KIF16B: variants seen among roughly 807,000 people sequenced by gnomAD.
The protein encoded by KIF16B is kinesin family member 16B, also known as kinesin-like protein KIF16B.
Under a neutral mutation model 156.3 loss-of-function variants are expected in KIF16B, and 98 were observed. The observed-to-expected ratio is 0.63, with a 90% CI of 0.53 to 0.74. The LOEUF is 0.74. Ranked by LOEUF, KIF16B falls within the 30% of genes least tolerant of loss-of-function variation. The probability of loss-of-function intolerance (pLI) is 0.00; values close to 1 mark genes in which losing one functional copy is unlikely to be tolerated. For missense variants in KIF16B, 1,421 were observed against 1,606.5 expected, an observed-to-expected ratio of 0.88 and a Z score of 1.97; for synonymous variants, 564 against 583.7, an observed-to-expected ratio of 0.97 and a Z score of 0.49.
intron 6 of KIF16B, among the ~76,000 whole-genome samples, chr20:16,511,008 G>T (rs911589929): frequency 2.0e-5 from 3 of 152,320 alleles, no homozygotes; most frequent in African/African-American, 7.2e-5. Flanking sequence ...GAAACCCACA[G>T]AGGAAATCCT....
chr20:16,488,269 G>A lies in KIF16B; in HGVS notation c.1302+6022C>T, dbSNP rs6044017. 1.6e-3 allele frequency among the ~76,000 whole-genome samples: 240 copies of A among 152,370 alleles called. 1 individual carries two copies. Among genetic ancestry groups the A allele is most frequent in the African/African-American group, 5.3e-3 (219 of 41,596 alleles). On this transcript the variant is annotated intron_variant, in intron 12 of 25. Coordinates refer to ENST00000354981, the MANE Select transcript of KIF16B (RefSeq NM_024704.5). ...GCTCTGCTCTGGACAGACACTCACA[G>A]AGGCAGCTCTCCCTTCTGCCGCACC...
chr20:16,335,317 C>T (rs1480009743), intron 24 of KIF16B, among the ~76,000 whole-genome samples: 4 of 152,142 alleles, frequency 2.6e-5, no homozygotes, highest in Non-Finnish European at 5.9e-5. Context: ...GAATACTTTG[C>T]TTAAAATTAC....
intron 25 of KIF16B, among the ~76,000 whole-genome samples, chr20:16,293,649 T>C (rs1320957142): frequency 6.6e-6 from 1 of 151,900 alleles, no homozygotes; most frequent in African/African-American, 2.4e-5. Flanking sequence ...AGGACAATTG[T>C]GGGGTGGAAG....
intron 12 of KIF16B, among the ~76,000 whole-genome samples, chr20:16,491,925 G>C (rs2068305813): frequency 6.6e-6 from 1 of 152,174 alleles, no homozygotes; most frequent in South Asian, 2.1e-4. Flanking sequence ...AAGAGCTTAG[G>C]ATCTGGTGAT....
At chr20:16,393,384 T>C (rs544397754) in intron 17 of KIF16B, among the ~76,000 whole-genome samples, 2 of 152,362 alleles carry the variant, frequency 1.3e-5, no homozygotes, top group East Asian at 3.9e-4. Context: ...CTTCTATCAA[T>C]CTGTGGTTCA....
At chr20:16,465,617 G>GA (rs1175903245) in intron 12 of KIF16B, among the ~76,000 whole-genome samples, 1 of 151,996 alleles carries the variant, frequency 6.6e-6, no homozygotes, top group Admixed American at 6.6e-5. Flanking sequence ...AAATGTAAAA[G>GA]AAAAAATCAC....
At chr20:16,368,644 G>A (rs1377082457) in intron 22 of KIF16B, 9 of 985,786 alleles carry the variant, frequency 9.1e-6, no homozygotes, top group Non-Finnish European at 8.4e-6. Flanking sequence ...CAGTGACTCC[G>A]ATGAGCTCAT....
chr20:16,544,372 G>C (rs1434810078), intron 1 of KIF16B, among the ~76,000 whole-genome samples: 3 of 152,096 alleles, frequency 2.0e-5, no homozygotes, highest in African/African-American at 7.2e-5. Flanking sequence ...CACTTTGGGA[G>C]GCCAAGGCAG....
intron 17 of KIF16B, among the ~76,000 whole-genome samples, chr20:16,389,399 C>T (rs894435854): frequency 6.6e-6 from 1 of 152,182 alleles, no homozygotes; most frequent in Non-Finnish European, 1.5e-5. Flanking sequence ...GAACTCCTGG[C>T]CTTTTGCCTG....
intron 1 of KIF16B, among the ~76,000 whole-genome samples, chr20:16,536,584 T>A (rs1038178068): frequency 6.6e-6 from 1 of 152,166 alleles, no homozygotes; most frequent in African/African-American, 2.4e-5. Flanking sequence ...CATAAATATG[T>A]ACACAAATAT....
At chr20:16,297,761 G>C (rs1304806013) in intron 25 of KIF16B, among the ~76,000 whole-genome samples, 1 of 151,056 alleles carries the variant, frequency 6.6e-6, no homozygotes, top group Non-Finnish European at 1.5e-5. Flanking sequence ...TTTCATCACT[G>C]GTCCCCAGGT....
chr20:16,441,087 C>T (rs1359886866), intron 12 of KIF16B, among the ~76,000 whole-genome samples: 2 of 152,050 alleles, frequency 1.3e-5, no homozygotes, highest in South Asian at 2.1e-4. Flanking sequence ...CATGGAAGAC[C>T]AAAATATTCA....
At position 16,409,980 on chromosome 20, in the gene KIF16B, T is replaced by C. The variant is rs1299794017; in HGVS notation, c.1613-3524A>G. On this transcript the variant is annotated intron_variant, in intron 15 of 25. Coordinates refer to ENST00000354981, the MANE Select transcript of KIF16B (RefSeq NM_024704.5). ...ATATATATATATATACATATATATA[T>C]ATATATATATATGTAGGTACATATA... 3.0e-4 allele frequency among the ~76,000 whole-genome samples: 31 copies of C among 103,022 alleles called. 3 individuals are homozygous for C. The highest frequency in any genetic ancestry group is 4.8e-4 in the Non-Finnish European group (25 of 52,474). The allele number at this position is 103,022 out of a possible 152,430, so 67.6% of individuals were successfully genotyped here.
At chr20:16,393,040 G>A (rs1484233150) in intron 17 of KIF16B, among the ~76,000 whole-genome samples, 6 of 152,032 alleles carry the variant, frequency 3.9e-5, no homozygotes, top group East Asian at 1.9e-4. Flanking sequence ...ATTCAACGGC[G>A]TGAGAAAAAG....
chr20:16,445,890 T>C (rs2066918141), intron 12 of KIF16B, among the ~76,000 whole-genome samples: 1 of 152,232 alleles, frequency 6.6e-6, no homozygotes, highest in African/African-American at 2.4e-5. Context: ...TCTCTCTTTT[T>C]TTCTACTTTA....
At chr20:16,425,672 T>G (rs1240119439) in intron 15 of KIF16B, among the ~76,000 whole-genome samples, 3 of 152,148 alleles carry the variant, frequency 2.0e-5, no homozygotes, top group Admixed American at 6.6e-5. Context: ...GCACCTTAGT[T>G]GGATGATCAA....
intron 25 of KIF16B, among the ~76,000 whole-genome samples, chr20:16,311,923 G>A (rs2063624961): frequency 6.6e-6 from 1 of 152,174 alleles, no homozygotes; most frequent in South Asian, 2.1e-4. Context: ...ATAGGTATGT[G>A]TCTTTTTGCT....
At chr20:16,393,148 T>G (rs1464314858) in intron 17 of KIF16B, among the ~76,000 whole-genome samples, 1 of 152,230 alleles carries the variant, frequency 6.6e-6, no homozygotes, top group Non-Finnish European at 1.5e-5. Flanking sequence ...TTACAATATC[T>G]GATGTACACT....
chr20:16,473,944 G>C (rs2067734846), intron 12 of KIF16B, among the ~76,000 whole-genome samples: 1 of 152,130 alleles, frequency 6.6e-6, no homozygotes, highest in South Asian at 2.1e-4. Flanking sequence ...GAACTTTAAT[G>C]GGGAAATTAA....
Sources: allele counts gnomAD v4.1 joint callset (sites outside exome capture counted in the v4.1 genomes callset), GRCh38; gene constraint gnomAD v4.1.1; transcripts MANE v1.5; gene names NCBI Gene and HGNC (gene_info 2026-07-23, HGNC 2026-07-21).